TRAM2: variants seen among roughly 807,000 people sequenced by gnomAD.
The protein encoded by TRAM2 is translocation associated membrane protein 2, also known as translocating chain-associated membrane protein 2.
TRAM2 carries 12 observed loss-of-function variants against 51.0 expected under a neutral mutation model. The observed-to-expected ratio is 0.24, with a 90% confidence interval of 0.15 to 0.38. The LOEUF is 0.38. Among genes scored for constraint, TRAM2 ranks in the 10% least tolerant of loss-of-function variants. The pLI is 1.00. For missense variants in TRAM2, 361 were observed against 462.0 expected (o/e 0.78, Z 2.00); for synonymous variants, 175 against 179.4 (o/e 0.98, Z 0.20).
intron 1 of TRAM2, among the ~76,000 whole-genome samples, chr6:52,562,255 CGG>C (rs1767514256): frequency 1.3e-5 from 2 of 152,050 alleles, no homozygotes; most frequent in Non-Finnish European, 2.9e-5. Context: ...TGGAGTATGA[CGG>C]GCTGCACATG....
chr6:52,506,638 A>T (rs1185338922), intron 7 of TRAM2, among the ~76,000 whole-genome samples: 1 of 152,196 alleles, frequency 6.6e-6, no homozygotes, highest in Non-Finnish European at 1.5e-5. Flanking sequence ...CTACGGTGAC[A>T]GTGCAGACTG....
At chr6:52,537,225 A>G (rs1218594853) in intron 1 of TRAM2, among the ~76,000 whole-genome samples, 1 of 152,186 alleles carries the variant, frequency 6.6e-6, no homozygotes, top group Non-Finnish European at 1.5e-5. Context: ...GAAAAACCCA[A>G]ATGAGATTAG....
At chr6:52,565,018 G>C (rs1767565919) in intron 1 of TRAM2, among the ~76,000 whole-genome samples, 1 of 152,198 alleles carries the variant, frequency 6.6e-6, no homozygotes, top group Admixed American at 6.6e-5. Flanking sequence ...ACACAGGTAG[G>C]TTGGTCTGCA....
rs562463945 is a variant in TRAM2, at chr6:52,518,140, T to C, written c.185-1403A>G. On this transcript the variant is annotated intron_variant, in intron 2 of 10. Coordinates refer to ENST00000182527, the MANE Select transcript of TRAM2 (RefSeq NM_012288.4). ...ACGGGCAGCGCTCCTGAGAAGCACA[T>C]ACAGTGAGCCACAGCAGGCGAGGGC... is the stretch of plus-strand genomic sequence containing the variant. Among the ~76,000 whole-genome samples the C allele has an allele frequency of 5.9e-5, 9 of 152,238 alleles. No homozygotes were observed. In the East Asian group the frequency reaches 1.2e-3, roughly 20 times the overall value.
intron 7 of TRAM2, among the ~76,000 whole-genome samples, chr6:52,506,965 T>C (rs924673434): frequency 1.3e-5 from 2 of 152,226 alleles, no homozygotes; most frequent in African/African-American, 4.8e-5. Context: ...TTTTACTGCA[T>C]GGATAACACT....
Position 52,502,971 on chromosome 6 carries a change from G to A in TRAM2, c.*226C>T, listed in dbSNP as rs926943576. ...AGTGAGGACAGGAGGTGGCCTGAGG[G>A]GGAGAAAGAGAAAGATTTTTGGCTT... On this transcript the variant is annotated 3_prime_UTR_variant, in exon 11 of 11. Coordinates refer to ENST00000182527, the MANE Select transcript of TRAM2 (RefSeq NM_012288.4). The A allele has an allele frequency of 2.0e-5, 12 of 593,154 alleles. No individual in the cohort carries two copies. The highest frequency in any genetic ancestry group is 3.3e-5 in the Non-Finnish European group (11 of 333,740). The allele number at this position is 593,154 out of a possible 1,614,324, so 36.7% of individuals were successfully genotyped here.
chr6:52,507,678 G>A, intron 6 of TRAM2, 55 bp from the exon 7 acceptor site: 1 of 1,575,104 alleles, frequency 6.3e-7, no homozygotes, highest in Admixed American at 1.7e-5. Flanking sequence ...TGAAGATTCA[G>A]GGAAGGGGGA....
intron 10 of TRAM2, among the ~76,000 whole-genome samples, chr6:52,504,129 A>G (rs748179078): frequency 1.3e-5 from 2 of 152,198 alleles, no homozygotes; most frequent in Non-Finnish European, 2.9e-5. Context: ...CCCACCTAGC[A>G]CTATGTCACT....
intron 1 of TRAM2, among the ~76,000 whole-genome samples, chr6:52,569,444 G>A (rs1365083967): frequency 6.6e-6 from 1 of 150,922 alleles, no homozygotes; most frequent in Non-Finnish European, 1.5e-5. Context: ...CCAAATCTAT[G>A]GCATTTTTGT....
chr6:52,510,600 G>C (rs914010648), intron 4 of TRAM2, among the ~76,000 whole-genome samples: 10 of 152,190 alleles, frequency 6.6e-5, no homozygotes, highest in African/African-American at 2.4e-4. Flanking sequence ...AGACTAGAAA[G>C]TGTTTGCTGA....
chr6:52,566,105 C>A (rs1158440780), intron 1 of TRAM2, among the ~76,000 whole-genome samples: 4 of 152,174 alleles, frequency 2.6e-5, no homozygotes, highest in African/African-American at 9.7e-5. Flanking sequence ...CCATAGGACA[C>A]TTCAGTGATA....
intron 2 of TRAM2, among the ~76,000 whole-genome samples, chr6:52,521,812 T>C (rs929856153): frequency 3.3e-5 from 5 of 152,234 alleles, no homozygotes; most frequent in African/African-American, 7.2e-5. Flanking sequence ...CCACTTCTCA[T>C]AGACTGCCCC....
intron 2 of TRAM2, among the ~76,000 whole-genome samples, chr6:52,517,828 T>C (rs1766579788): frequency 6.6e-6 from 1 of 152,192 alleles, no homozygotes; most frequent in Admixed American, 6.5e-5. Context: ...GTCAAGCTGA[T>C]TGGGTCACTC....
intron 1 of TRAM2, 44 bp downstream of exon 1, chr6:52,576,752 C>A (rs1361217897): frequency 6.2e-7 from 1 of 1,601,908 alleles, no homozygotes; most frequent in Non-Finnish European, 8.5e-7. Context: ...CGGTGCACGA[C>A]AGGGGGCACT....
At chr6:52,526,444 T>C (rs1012827997) in intron 2 of TRAM2, among the ~76,000 whole-genome samples, 5 of 152,164 alleles carry the variant, frequency 3.3e-5, no homozygotes, top group African/African-American at 4.8e-5. Flanking sequence ...TGGAGTACAG[T>C]GGCACAATCT....
chr6:52,571,704 T>C (rs1767684273), intron 1 of TRAM2, among the ~76,000 whole-genome samples: 1 of 152,206 alleles, frequency 6.6e-6, no homozygotes, highest in Non-Finnish European at 1.5e-5. Flanking sequence ...GATTGGTCTG[T>C]TTGGAGATTA....
intron 1 of TRAM2, among the ~76,000 whole-genome samples, chr6:52,567,178 G>A (rs955872058): frequency 6.6e-5 from 10 of 152,186 alleles, no homozygotes; most frequent in Non-Finnish European, 1.5e-4. Flanking sequence ...CAACAACATT[G>A]GTCAAGTTAC....
chr6:52,507,963 G>A (rs1766378908), intron 6 of TRAM2, among the ~76,000 whole-genome samples: 1 of 152,228 alleles, frequency 6.6e-6, no homozygotes, highest in South Asian at 2.1e-4. Context: ...AAATGGCAAA[G>A]ACCTCTCCTT....
intron 1 of TRAM2, among the ~76,000 whole-genome samples, chr6:52,565,397 G>A (rs1460753823): frequency 1.3e-5 from 2 of 152,184 alleles, no homozygotes; most frequent in Non-Finnish European, 2.9e-5. Flanking sequence ...CAAGGCAGGG[G>A]AGGGCAAGTG....
Sources: allele counts gnomAD v4.1 joint callset (sites outside exome capture counted in the v4.1 genomes callset), GRCh38; gene constraint gnomAD v4.1.1; transcripts MANE v1.5; gene names NCBI Gene and HGNC (gene_info 2026-07-23, HGNC 2026-07-21).